The following SPOCK1 variants were observed in gnomAD, a reference collection of about 807,000 sequenced individuals.
SPOCK1 encodes the protein testican-1.
Under a neutral mutation model 55.3 loss-of-function variants are expected in SPOCK1, and 23 were observed. The ratio of observed to expected loss-of-function variants is 0.42; its 90% CI spans 0.30 to 0.59. The LOEUF is 0.59. Among genes scored for constraint, SPOCK1 ranks in the 20% least tolerant of loss-of-function variants. The pLI is 0.22. For missense variants in SPOCK1, 499 were observed against 552.5 expected, an observed-to-expected ratio of 0.90 and a Z score of 0.97; for synonymous variants, 226 against 221.0, an observed-to-expected ratio of 1.02 and a Z score of -0.20.
intron 5 of SPOCK1, among the ~76,000 whole-genome samples, chr5:137,102,785 T>C (rs1435320486): frequency 6.6e-6 from 1 of 152,206 alleles, no homozygotes; most frequent in Admixed American, 6.5e-5. Context: ...CAATAGTACC[T>C]ACCTTACAGG....
Position 137,359,528 on chromosome 5 carries a change from T to C in SPOCK1, c.187-92473A>G, listed in dbSNP as rs529002195. Reference sequence around the variant, plus strand: ...ACAGGGCAGACAGTAGGTTAGCACATGTGCTCTCTAATTTAATCCTAACAG... The same window carrying C: ...ACAGGGCAGACAGTAGGTTAGCACACGTGCTCTCTAATTTAATCCTAACAG... On this transcript the variant is annotated intron_variant, in intron 2 of 10. Transcript: ENST00000394945. Among the ~76,000 whole-genome samples the C allele has an allele frequency of 5.3e-4, 81 of 152,348 alleles. 3 individuals carry two copies. The highest frequency in any genetic ancestry group is 3.4e-3 in the Middle Eastern group (1 of 294).
At chr5:137,189,485 A>G (rs994358632) in intron 3 of SPOCK1, among the ~76,000 whole-genome samples, 1 of 152,230 alleles carries the variant, frequency 6.6e-6, no homozygotes, top group African/African-American at 2.4e-5. Context: ...ATGACAGCAC[A>G]TCTGTTTACA....
intron 2 of SPOCK1, among the ~76,000 whole-genome samples, chr5:137,379,710 G>A (rs1449043769): frequency 6.6e-6 from 1 of 152,186 alleles, no homozygotes; most frequent in Non-Finnish European, 1.5e-5. Context: ...CATCTGACTT[G>A]AATGTGAGAT....
chr5:137,397,224 A>C (rs962329087), intron 2 of SPOCK1, among the ~76,000 whole-genome samples: 2 of 152,178 alleles, frequency 1.3e-5, no homozygotes, highest in Non-Finnish European at 2.9e-5. Flanking sequence ...CCTCTAGAAC[A>C]GCAATGGCAT....
chr5:137,130,405 CA>C (rs1009907135), intron 4 of SPOCK1, among the ~76,000 whole-genome samples: 2 of 152,308 alleles, frequency 1.3e-5, no homozygotes, highest in Admixed American at 1.3e-4. Flanking sequence ...AAGAAATTAT[CA>C]CAAACTCCAA....
chr5:137,399,659 G>A (rs940058983), intron 2 of SPOCK1, among the ~76,000 whole-genome samples: 9 of 152,140 alleles, frequency 5.9e-5, no homozygotes, highest in African/African-American at 1.9e-4. Flanking sequence ...ACGTTTGCAC[G>A]TAAAGAGAGA....
intron 2 of SPOCK1, among the ~76,000 whole-genome samples, chr5:137,461,992 G>A (rs900531659): frequency 6.6e-6 from 1 of 152,148 alleles, no homozygotes; most frequent in African/African-American, 2.4e-5. Context: ...CTCATCCAGA[G>A]CCCCAGATAA....
intron 3 of SPOCK1, among the ~76,000 whole-genome samples, chr5:137,204,453 G>C (rs781022115): frequency 9.2e-5 from 14 of 152,042 alleles, no homozygotes; most frequent in Admixed American, 2.0e-4. Context: ...TGGTTTCTAG[G>C]ACCCTTCAAT....
chr5:137,122,258 C>CAA (rs72138943), intron 4 of SPOCK1, among the ~76,000 whole-genome samples: 1 of 45,432 alleles, frequency 2.2e-5, no homozygotes, highest in Non-Finnish European at 5.4e-5. Flanking sequence ...CACACACACG[C>CAA]ACACACACAC....
intron 2 of SPOCK1, among the ~76,000 whole-genome samples, chr5:137,315,153 T>A (rs993319975): frequency 2.0e-5 from 3 of 152,224 alleles, no homozygotes; most frequent in Admixed American, 2.0e-4. Context: ...TGTCAAGGAA[T>A]AGTTTCACTG....
rs377382953 is a variant in SPOCK1, at chr5:136,981,331, A to G, written c.992-1862T>C. Among the ~76,000 whole-genome samples, 4 of 152,194 alleles carry G rather than the reference A, an allele frequency of 2.6e-5. No individual in the cohort carries two copies. The East Asian group carries it at 7.7e-4, about 29-fold the overall frequency. On this transcript the variant is annotated intron_variant, in intron 9 of 10. Coordinates refer to ENST00000394945, the MANE Select transcript of SPOCK1 (RefSeq NM_004598.4). ...TTTGTCTATTTCATTTGTTCAGAAAACTATCTCTGATATGGTATTTTAATA... is the reference window on the plus strand; with the variant it reads ...TTTGTCTATTTCATTTGTTCAGAAAGCTATCTCTGATATGGTATTTTAATA...
At chr5:137,164,528 G>C (rs1754613473) in intron 3 of SPOCK1, among the ~76,000 whole-genome samples, 1 of 152,188 alleles carries the variant, frequency 6.6e-6, no homozygotes, top group Admixed American at 6.5e-5. Context: ...AGCTGTGGTG[G>C]CTACAGTGAG....
At chr5:137,344,029 TG>T (rs1170793186) in intron 2 of SPOCK1, among the ~76,000 whole-genome samples, 1 of 152,234 alleles carries the variant, frequency 6.6e-6, no homozygotes, top group Non-Finnish European at 1.5e-5. Context: ...TATAACCTTT[TG>T]GGAATAAGTT....
chr5:137,308,522 A>G (rs1053709668), intron 2 of SPOCK1, among the ~76,000 whole-genome samples: 3 of 152,180 alleles, frequency 2.0e-5, no homozygotes, highest in African/African-American at 7.2e-5. Flanking sequence ...CATCTCTTCC[A>G]GGGCCCCGGT....
intron 3 of SPOCK1, among the ~76,000 whole-genome samples, chr5:137,198,789 T>G (rs534947859): frequency 2.0e-5 from 3 of 152,344 alleles, no homozygotes; most frequent in Non-Finnish European, 4.4e-5. Context: ...TTAAGATTAT[T>G]GTCTTTATGG....
chr5:137,427,635 C>A (rs1285404634), intron 2 of SPOCK1, among the ~76,000 whole-genome samples: 1 of 152,150 alleles, frequency 6.6e-6, no homozygotes, highest in Non-Finnish European at 1.5e-5. Context: ...ACTGGCTGGG[C>A]ACGATGGCTC....
intron 6 of SPOCK1, among the ~76,000 whole-genome samples, chr5:137,037,680 T>C (rs1751910154): frequency 6.6e-6 from 1 of 152,176 alleles, no homozygotes; most frequent in Non-Finnish European, 1.5e-5. Flanking sequence ...GGGTGAGCTG[T>C]ATTCCTTGAA....
At chr5:137,454,974 A>C (rs1404024104) in intron 2 of SPOCK1, among the ~76,000 whole-genome samples, 1 of 152,192 alleles carries the variant, frequency 6.6e-6, no homozygotes, top group Non-Finnish European at 1.5e-5. Context: ...ATACATGAGA[A>C]AATGGTCTCT....
At chr5:137,210,344 T>A (rs999193878) in intron 3 of SPOCK1, among the ~76,000 whole-genome samples, 1 of 152,180 alleles carries the variant, frequency 6.6e-6, no homozygotes, top group African/African-American at 2.4e-5. Context: ...TTCTTAATAT[T>A]TTCCAGGCTA....
Sources: gnomAD v4.1 joint callset for allele counts (sites outside exome capture counted in the v4.1 genomes callset) on GRCh38, gnomAD v4.1.1 for gene constraint, MANE v1.5 for transcripts, NCBI Gene and HGNC (gene_info 2026-07-23, HGNC 2026-07-21) for gene names.